CSMD1: variants seen among roughly 807,000 people sequenced by gnomAD.
CSMD1 encodes CUB and sushi domain-containing protein 1.
In CSMD1, 213 loss-of-function variants were observed where a neutral mutation model predicts 417.5. The ratio of observed to expected loss-of-function variants is 0.51; its 90% CI spans 0.46 to 0.57. The LOEUF (loss-of-function observed/expected upper bound fraction) is 0.57. Ranked by LOEUF, CSMD1 falls within the 20% of genes least tolerant of loss-of-function variation. The probability of loss-of-function intolerance (pLI) is 0.00; values close to 1 mark genes in which losing one functional copy is unlikely to be tolerated. For missense variants in CSMD1, 6,923 were observed against 4,529.7 expected, an observed-to-expected ratio of 1.53 and a Z score of -15.17; for synonymous variants, 2,862 against 1,736.8, an observed-to-expected ratio of 1.65 and a Z score of -16.11.
At chr8:3,479,281 T>A (rs2117235034) in intron 11 of CSMD1, among the ~76,000 whole-genome samples, 1 of 152,268 alleles carries the variant, frequency 6.6e-6, no homozygotes, top group South Asian at 2.1e-4. Context: ...ATTATTTTTA[T>A]TTATTTATTT....
intron 3 of CSMD1, among the ~76,000 whole-genome samples, chr8:4,054,252 T>C (rs528047830): frequency 6.7e-6 from 1 of 150,334 alleles, no homozygotes; most frequent in Admixed American, 6.7e-5. Flanking sequence ...AATGACGACT[T>C]TGAGAGTTAA....
intron 55 of CSMD1, among the ~76,000 whole-genome samples, chr8:2,975,698 A>C (rs1804852723): frequency 6.6e-6 from 1 of 152,232 alleles, no homozygotes. Context: ...ATCTTATTTA[A>C]ATTTTAACCT....
chr8:3,653,743 C>A (rs1228451479), intron 7 of CSMD1, among the ~76,000 whole-genome samples: 2 of 152,162 alleles, frequency 1.3e-5, no homozygotes, highest in Non-Finnish European at 2.9e-5. Flanking sequence ...CCGGCCACAT[C>A]GCATGGCTGT....
chr8:4,185,963 T>C (rs149004012), intron 3 of CSMD1, among the ~76,000 whole-genome samples: 1 of 152,170 alleles, frequency 6.6e-6, no homozygotes, highest in Non-Finnish European at 1.5e-5. Context: ...TACGGTGGAA[T>C]ACAGAAATCA....
intron 2 of CSMD1, among the ~76,000 whole-genome samples, chr8:4,464,842 C>G (rs1162648871): frequency 6.6e-6 from 1 of 152,068 alleles, no homozygotes; most frequent in African/African-American, 2.4e-5. Flanking sequence ...TATCTATGAT[C>G]CCAATTTACC....
intron 5 of CSMD1, among the ~76,000 whole-genome samples, chr8:3,862,328 G>T (rs367685092): frequency 1.3e-5 from 2 of 152,266 alleles, no homozygotes; most frequent in East Asian, 3.9e-4. Flanking sequence ...GCCCAAGGGC[G>T]TCCACCAGGT....
rs971579288 is a variant in CSMD1, at chr8:3,932,878, T to C, written c.818+65025A>G. 7.3e-5 allele frequency among the ~76,000 whole-genome samples: 11 copies of C among 150,508 alleles called. No homozygotes were observed. The East Asian group carries it at 1.9e-3, about 27-fold the overall frequency. On this transcript the variant is annotated intron_variant, in intron 5 of 69. Coordinates refer to ENST00000635120, the MANE Select transcript of CSMD1 (RefSeq NM_033225.6). ...TCACTATTGTGTAAAGTTAAATGTT[T>C]TTGAATTTTCTATTCCAATAGCAAC...
At chr8:4,806,934 A>C (rs1563448057) in intron 1 of CSMD1, among the ~76,000 whole-genome samples, 4 of 152,190 alleles carry the variant, frequency 2.6e-5, no homozygotes, top group Non-Finnish European at 4.4e-5. Context: ...TGCGCTCTTA[A>C]GCTATTATTT....
Position 3,554,762 on chromosome 8 carries a change from G to T in CSMD1, c.1344+20183C>A, listed in dbSNP as rs561077353. 1.1e-4 allele frequency among the ~76,000 whole-genome samples: 17 copies of T among 152,292 alleles called. 1 individual carries two copies. The East Asian group carries it at 3.3e-3, about 30-fold the overall frequency. On this transcript the variant is annotated intron_variant, in intron 10 of 69. Transcript: ENST00000635120. ...AGAGGGTCAATACTTCAGAGCGGGG[G>T]AGGGAGTAAATCTACAAAGTAAGCA...
chr8:4,406,733 G>C (rs1256852095), intron 3 of CSMD1, among the ~76,000 whole-genome samples: 2 of 152,164 alleles, frequency 1.3e-5, no homozygotes, highest in African/African-American at 4.8e-5. Context: ...TGATACCAGA[G>C]AATGTATTGT....
chr8:4,956,238 T>C (rs1202932668), intron 1 of CSMD1, among the ~76,000 whole-genome samples: 3 of 140,308 alleles, frequency 2.1e-5, no homozygotes, highest in African/African-American at 8.0e-5. Context: ...ACAGCCCTCC[T>C]TACTCGCTAT....
intron 3 of CSMD1, among the ~76,000 whole-genome samples, chr8:4,339,181 T>A (rs951243964): frequency 6.6e-6 from 1 of 152,114 alleles, no homozygotes; most frequent in Non-Finnish European, 1.5e-5. Flanking sequence ...CCAGGCTTTA[T>A]CTCCTTCAAA....
At chr8:3,843,440 T>A (rs74977579) in intron 5 of CSMD1, among the ~76,000 whole-genome samples, 9,655 of 152,080 alleles carry the variant, frequency 0.063, 905 homozygotes, top group African/African-American at 0.2. Flanking sequence ...TAATTAAGAA[T>A]AACAGCCAGC....
At chr8:3,578,734 T>A (rs1236336543) in intron 9 of CSMD1, among the ~76,000 whole-genome samples, 1 of 152,174 alleles carries the variant, frequency 6.6e-6, no homozygotes, top group Non-Finnish European at 1.5e-5. Context: ...GAAACTGTTC[T>A]GACTGGGACT....
chr8:3,077,722 C>T (rs1045226790), intron 49 of CSMD1, among the ~76,000 whole-genome samples: 1 of 152,258 alleles, frequency 6.6e-6, no homozygotes, highest in African/African-American at 2.4e-5. Context: ...ACATTTTCCC[C>T]CAGAGCTGCT....
intron 3 of CSMD1, among the ~76,000 whole-genome samples, chr8:4,365,229 A>C (rs1280325025): frequency 8.5e-5 from 13 of 152,194 alleles, no homozygotes; most frequent in African/African-American, 2.9e-4. Flanking sequence ...GAGTTTTGTT[A>C]ATGCTTAAGT....
At chr8:3,822,290 G>A (rs1015381156) in intron 5 of CSMD1, among the ~76,000 whole-genome samples, 1 of 152,124 alleles carries the variant, frequency 6.6e-6, no homozygotes, top group Admixed American at 6.5e-5. Flanking sequence ...GTAAGAGCTT[G>A]TGTCTAGGGG....
intron 3 of CSMD1, among the ~76,000 whole-genome samples, chr8:4,065,291 A>G (rs1019409187): frequency 1.3e-5 from 2 of 152,222 alleles, no homozygotes; most frequent in Non-Finnish European, 2.9e-5. Context: ...GTGCTTCCCC[A>G]TCCCCCTCAG....
intron 1 of CSMD1, among the ~76,000 whole-genome samples, chr8:4,795,525 G>T (rs1797931477): frequency 1.3e-5 from 2 of 151,776 alleles, no homozygotes; most frequent in Non-Finnish European, 2.9e-5. Flanking sequence ...GCCTTCCAAA[G>T]TTCTGGTATT....
Sources: allele counts gnomAD v4.1 joint callset (sites outside exome capture counted in the v4.1 genomes callset), GRCh38; gene constraint gnomAD v4.1.1; transcripts MANE v1.5; gene names NCBI Gene and HGNC (gene_info 2026-07-23, HGNC 2026-07-21).